The following GRM5 variants were observed in gnomAD, a reference collection of about 807,000 sequenced individuals.
GRM5 encodes glutamate metabotropic receptor 5.
Under a neutral mutation model 83.1 loss-of-function variants are expected in GRM5, and 19 were observed. The observed-to-expected ratio is 0.23, with a 90% CI of 0.16 to 0.34. The LOEUF (loss-of-function observed/expected upper bound fraction) is 0.34, where lower values mean the gene tolerates loss of function less well. Ranked by LOEUF, GRM5 falls within the 10% of genes least tolerant of loss-of-function variation. The probability of loss-of-function intolerance (pLI) is 1.00; values close to 1 mark genes in which losing one functional copy is unlikely to be tolerated. For missense variants in GRM5, 1,160 were observed against 1,588.3 expected, an observed-to-expected ratio of 0.73 and a Z score of 4.58; for synonymous variants, 675 against 633.6, an observed-to-expected ratio of 1.07 and a Z score of -0.98.
intron 2 of GRM5, among the ~76,000 whole-genome samples, chr11:88,993,467 A>G (rs1426062846): frequency 1.3e-5 from 2 of 152,112 alleles, no homozygotes; most frequent in Non-Finnish European, 2.9e-5. Flanking sequence ...TCTGTTTTGA[A>G]CTGAGTACCA....
chr11:88,964,682 G>A (rs552042929), intron 2 of GRM5, among the ~76,000 whole-genome samples: 1 of 152,146 alleles, frequency 6.6e-6, no homozygotes, highest in Admixed American at 6.5e-5. Flanking sequence ...GCTGTAACTT[G>A]GCACATCATA....
intron 5 of GRM5, among the ~76,000 whole-genome samples, chr11:88,600,083 T>C (rs1191027251): frequency 6.6e-6 from 1 of 152,170 alleles, no homozygotes; most frequent in Admixed American, 6.5e-5. Flanking sequence ...AAGATCCAAC[T>C]TGCACATATT....
At chr11:88,830,690 G>A (rs1291399767) in intron 3 of GRM5, among the ~76,000 whole-genome samples, 2 of 152,184 alleles carry the variant, frequency 1.3e-5, no homozygotes, top group East Asian at 3.9e-4. Context: ...AGAGAGCTAC[G>A]TGAAGACAGC....
At chr11:88,733,550 C>T (rs189496531) in intron 3 of GRM5, among the ~76,000 whole-genome samples, 44 of 151,978 alleles carry the variant, frequency 2.9e-4, no homozygotes, top group Non-Finnish European at 5.7e-4. Flanking sequence ...GAAAACCCAG[C>T]GAATTTTCTA....
At chr11:88,541,117 G>A (rs970635468) in intron 8 of GRM5, among the ~76,000 whole-genome samples, 3 of 152,146 alleles carry the variant, frequency 2.0e-5, no homozygotes, top group South Asian at 4.2e-4. Flanking sequence ...TTAGGATAAC[G>A]TTTTATGTTT....
intron 3 of GRM5, among the ~76,000 whole-genome samples, chr11:88,792,394 T>C (rs954144800): frequency 1.3e-5 from 2 of 152,170 alleles, no homozygotes; most frequent in African/African-American, 4.8e-5. Flanking sequence ...AATCTCTAAA[T>C]AGAAAAAACA....
intron 3 of GRM5, among the ~76,000 whole-genome samples, chr11:88,757,671 C>G (rs910620499): frequency 6.6e-6 from 1 of 152,116 alleles, no homozygotes; most frequent in African/African-American, 2.4e-5. Flanking sequence ...TACGCTGTCT[C>G]CCCCACTGCT....
intron 3 of GRM5, among the ~76,000 whole-genome samples, chr11:88,819,523 T>C (rs1031670573): frequency 2.0e-5 from 3 of 152,232 alleles, no homozygotes; most frequent in African/African-American, 7.2e-5. Context: ...GTTATCTCAA[T>C]AGTCATTTTT....
At chr11:88,894,088 ATCTTC>A (rs1048165824) in intron 2 of GRM5, among the ~76,000 whole-genome samples, 11 of 151,976 alleles carry the variant, frequency 7.2e-5, no homozygotes, top group Admixed American at 6.6e-4. Flanking sequence ...TGGTGGCTCC[ATCTTC>A]TCTTCTCTGT....
intron 8 of GRM5, among the ~76,000 whole-genome samples, chr11:88,553,914 AT>A (rs1942566266): frequency 6.6e-6 from 1 of 152,124 alleles, no homozygotes; most frequent in East Asian, 1.9e-4. Context: ...CTTTTGCCTA[AT>A]CCAAGATAGT....
intron 9 of GRM5, among the ~76,000 whole-genome samples, chr11:88,513,207 T>C (rs1400672663): frequency 1.3e-5 from 2 of 152,332 alleles, no homozygotes; most frequent in African/African-American, 4.8e-5. Flanking sequence ...CTCTTTGCTA[T>C]ATGTCTATCT....
chr11:88,719,392 C>T (rs1166062009), intron 3 of GRM5, among the ~76,000 whole-genome samples: 1 of 152,042 alleles, frequency 6.6e-6, no homozygotes, highest in African/African-American at 2.4e-5. Context: ...AGGACACAGT[C>T]TCATCCTTTT....
chr11:88,663,883 G>A (rs1281050667), intron 3 of GRM5, among the ~76,000 whole-genome samples: 1 of 152,190 alleles, frequency 6.6e-6, no homozygotes, highest in Non-Finnish European at 1.5e-5. Context: ...AATAAGACAG[G>A]CTTCAAGAGG....
intron 3 of GRM5, among the ~76,000 whole-genome samples, chr11:88,710,834 T>C (rs1488021138): frequency 6.6e-6 from 1 of 151,942 alleles, no homozygotes; most frequent in Non-Finnish European, 1.5e-5. Context: ...CATCCAAGTT[T>C]GAGGATTTAA....
intron 2 of GRM5, among the ~76,000 whole-genome samples, chr11:88,907,501 G>A (rs193196582): frequency 2.6e-5 from 4 of 152,278 alleles, no homozygotes; most frequent in African/African-American, 9.6e-5. Context: ...GAGTTTGGAA[G>A]GCTTCTAGTG....
At chr11:89,041,244 C>T (rs1941526017) in intron 2 of GRM5, among the ~76,000 whole-genome samples, 1 of 152,166 alleles carries the variant, frequency 6.6e-6, no homozygotes, top group South Asian at 2.1e-4. Context: ...GTGGAAGTGT[C>T]CACAATTGCA....
intron 4 of GRM5, among the ~76,000 whole-genome samples, chr11:88,639,120 T>C (rs889794734): frequency 7.9e-5 from 12 of 152,160 alleles, no homozygotes; most frequent in African/African-American, 2.9e-4. Context: ...TAAAATATTG[T>C]TTGAGGTATC....
At chr11:88,558,264 G>C (rs1942671320) in intron 8 of GRM5, among the ~76,000 whole-genome samples, 1 of 152,116 alleles carries the variant, frequency 6.6e-6, no homozygotes, top group African/African-American at 2.4e-5. Context: ...CAGGGTTTGT[G>C]ACTCAGCTCT....
chr11:88,532,585 C>T (rs1942038590), intron 8 of GRM5, among the ~76,000 whole-genome samples: 1 of 152,134 alleles, frequency 6.6e-6, no homozygotes, highest in Non-Finnish European at 1.5e-5. Context: ...ATAGTGCCTC[C>T]ATTATGTAAG....
Sources: gnomAD v4.1 joint callset for allele counts (sites outside exome capture counted in the v4.1 genomes callset) on GRCh38, gnomAD v4.1.1 for gene constraint, MANE v1.5 for transcripts, NCBI Gene and HGNC (gene_info 2026-07-23, HGNC 2026-07-21) for gene names.